The following MAML3 variants were observed in gnomAD, a reference collection of about 807,000 sequenced individuals.
MAML3 encodes the protein mastermind-like protein 3.
A neutral mutation model predicts 101.9 loss-of-function variants in MAML3; 27 were observed. The ratio of observed to expected loss-of-function variants is 0.27; its 90% CI spans 0.20 to 0.37. The LOEUF is 0.37. Ranked by LOEUF, MAML3 falls within the 10% of genes least tolerant of loss-of-function variation. MAML3 has a pLI of 1.00. For missense variants in MAML3, 1,316 were observed against 1,444.9 expected, an observed-to-expected ratio of 0.91 and a Z score of 1.45; for synonymous variants, 501 against 555.9, an observed-to-expected ratio of 0.90 and a Z score of 1.39.
chr4:140,085,488 C>A (rs1470864958), intron 1 of MAML3, among the ~76,000 whole-genome samples: 2 of 152,148 alleles, frequency 1.3e-5, no homozygotes, highest in Non-Finnish European at 2.9e-5. Context: ...CTCTACTTTG[C>A]CCCCATTTGA....
intron 1 of MAML3, among the ~76,000 whole-genome samples, chr4:139,991,890 A>G (rs1378470645): frequency 5.3e-5 from 8 of 151,526 alleles, no homozygotes; most frequent in Admixed American, 5.3e-4. Context: ...TATATAATTA[A>G]AAAAAAAATT....
At chr4:139,759,694 T>G (rs1272774023) in intron 2 of MAML3, among the ~76,000 whole-genome samples, 1 of 152,250 alleles carries the variant, frequency 6.6e-6, no homozygotes, top group East Asian at 1.9e-4. Context: ...TATGCATTAT[T>G]TTAATATTTT....
At chr4:139,769,526 T>C (rs1034761839) in intron 2 of MAML3, among the ~76,000 whole-genome samples, 1 of 152,138 alleles carries the variant, frequency 6.6e-6, no homozygotes, top group Non-Finnish European at 1.5e-5. Flanking sequence ...GGCTCAATAG[T>C]ACAGTCACCA....
intron 2 of MAML3, among the ~76,000 whole-genome samples, chr4:139,869,636 C>A (rs754641293): frequency 5.3e-5 from 8 of 152,244 alleles, no homozygotes; most frequent in Admixed American, 1.3e-4. Flanking sequence ...CAACCAAATA[C>A]CACCCCACCC....
chr4:139,769,269 C>T (rs995289121), intron 2 of MAML3, among the ~76,000 whole-genome samples: 14 of 152,102 alleles, frequency 9.2e-5, no homozygotes, highest in African/African-American at 3.4e-4. Flanking sequence ...CCCTCATGCC[C>T]AGAGAGGCTC....
chr4:139,746,668 C>T (rs1294107798), intron 2 of MAML3, among the ~76,000 whole-genome samples: 7 of 152,320 alleles, frequency 4.6e-5, no homozygotes, highest in Non-Finnish European at 7.3e-5. Context: ...ATTCCGCAGA[C>T]GTTTGACACT....
intron 1 of MAML3, among the ~76,000 whole-genome samples, chr4:139,910,024 AT>A (rs1373077706): frequency 1.3e-5 from 2 of 152,126 alleles, no homozygotes; most frequent in African/African-American, 4.8e-5. Context: ...TTGGTGAGAG[AT>A]CAACATAAAA....
At chr4:139,762,819 G>C (rs1020914138) in intron 2 of MAML3, among the ~76,000 whole-genome samples, 1 of 152,118 alleles carries the variant, frequency 6.6e-6, no homozygotes, top group Admixed American at 6.5e-5. Context: ...ACCATCTGAC[G>C]GGGCTTTAAT....
chr4:140,068,971 A>G (rs952706122), intron 1 of MAML3, among the ~76,000 whole-genome samples: 10 of 152,166 alleles, frequency 6.6e-5, no homozygotes, highest in Admixed American at 5.9e-4. Flanking sequence ...CGAATTTTAT[A>G]ATTTGACAGG....
At chr4:140,008,160 C>T (rs532809730) in intron 1 of MAML3, among the ~76,000 whole-genome samples, 2 of 152,152 alleles carry the variant, frequency 1.3e-5, no homozygotes, top group Admixed American at 1.3e-4. Context: ...GCCTGGCCTA[C>T]GTGGTGAAAC....
chr4:140,143,621 C>T (rs543488241), intron 1 of MAML3, among the ~76,000 whole-genome samples: 26 of 152,194 alleles, frequency 1.7e-4, no homozygotes, highest in African/African-American at 5.8e-4. Context: ...ATTAGCCGGG[C>T]GTGGTGGCGG....
At chr4:140,037,555 C>G (rs977990469) in intron 1 of MAML3, among the ~76,000 whole-genome samples, 2 of 152,204 alleles carry the variant, frequency 1.3e-5, no homozygotes, top group African/African-American at 4.8e-5. Context: ...CTAAGTAGAG[C>G]ATGTCTCCCA....
chr4:140,029,831 TCC>T (rs140774842), intron 1 of MAML3, among the ~76,000 whole-genome samples: 2,395 of 152,252 alleles, frequency 0.016, 69 homozygotes, highest in African/African-American at 0.054. Context: ...AATAAATCTA[TCC>T]AAAGCTTTTG....
chr4:140,069,279 G>A (rs566977528), intron 1 of MAML3, among the ~76,000 whole-genome samples: 14 of 151,840 alleles, frequency 9.2e-5, no homozygotes, highest in African/African-American at 3.1e-4. Flanking sequence ...TCAAGATTGC[G>A]CCACTGCATT....
At chr4:140,145,978 A>G (rs1439499365) in intron 1 of MAML3, among the ~76,000 whole-genome samples, 1 of 143,286 alleles carries the variant, frequency 7.0e-6, no homozygotes, top group African/African-American at 2.6e-5. Context: ...GGTTCAAGCA[A>G]TTCCCCTGCC....
intron 1 of MAML3, among the ~76,000 whole-genome samples, chr4:139,914,956 GT>G (rs147021650): frequency 4.6e-5 from 7 of 151,318 alleles, no homozygotes; most frequent in East Asian, 3.9e-4. Flanking sequence ...CAAAAGTCAG[GT>G]TTTTTTTTCT....
chr4:139,781,645 G>A (rs918881152), intron 2 of MAML3, among the ~76,000 whole-genome samples: 1 of 152,006 alleles, frequency 6.6e-6, no homozygotes, highest in African/African-American at 2.4e-5. Flanking sequence ...GCAAAGAGGG[G>A]AGAATGTGGT....
intron 2 of MAML3, among the ~76,000 whole-genome samples, chr4:139,752,545 G>C (rs1292310486): frequency 6.6e-6 from 1 of 152,180 alleles, no homozygotes; most frequent in East Asian, 1.9e-4. Context: ...TGGGAAAGTG[G>C]CTGGCAGGTC....
intron 1 of MAML3, among the ~76,000 whole-genome samples, chr4:140,015,942 G>T (rs1466010082): frequency 6.6e-6 from 1 of 152,028 alleles, no homozygotes; most frequent in Non-Finnish European, 1.5e-5. Context: ...AACAGAGCAA[G>T]ACGCCATCTC....
Sources: allele counts gnomAD v4.1 joint callset (sites outside exome capture counted in the v4.1 genomes callset), GRCh38; gene constraint gnomAD v4.1.1; transcripts MANE v1.5; gene names NCBI Gene and HGNC (gene_info 2026-07-23, HGNC 2026-07-21).